The following HS3ST5 variants were observed in gnomAD, a reference collection of about 807,000 sequenced individuals.
HS3ST5 encodes the protein heparan sulfate glucosamine 3-O-sulfotransferase 5.
Under a neutral mutation model 25.4 loss-of-function variants are expected in HS3ST5, and 10 were observed. That is an observed-to-expected ratio of 0.39 (90% CI 0.24 to 0.67). HS3ST5 has a LOEUF of 0.67. Ranked by LOEUF, HS3ST5 falls within the 30% of genes least tolerant of loss-of-function variation. The pLI is 0.44. For missense variants in HS3ST5, 324 were observed against 420.7 expected (o/e 0.77, Z 2.01); for synonymous variants, 170 against 162.4 (o/e 1.05, Z -0.36).
chr6:114,129,161 T>C (rs1413253571), intron 3 of HS3ST5, among the ~76,000 whole-genome samples: 1 of 152,066 alleles, frequency 6.6e-6, no homozygotes, highest in Non-Finnish European at 1.5e-5. Context: ...TTAACATCAT[T>C]GGTATATTGG....
intron 3 of HS3ST5, among the ~76,000 whole-genome samples, chr6:114,075,306 G>A (rs960137870): frequency 2.0e-5 from 3 of 152,188 alleles, no homozygotes; most frequent in South Asian, 2.1e-4. Context: ...GGCAGGATCC[G>A]CTGCACTTCA....
At chr6:114,070,517 G>C (rs1773753060) in intron 3 of HS3ST5, among the ~76,000 whole-genome samples, 1 of 152,000 alleles carries the variant, frequency 6.6e-6, no homozygotes, top group South Asian at 2.1e-4. Flanking sequence ...CATAACTCAA[G>C]AACTATCTCT....
chr6:114,144,580 A>G (rs1778063747), intron 3 of HS3ST5, among the ~76,000 whole-genome samples: 1 of 152,188 alleles, frequency 6.6e-6, no homozygotes, highest in Admixed American at 6.5e-5. Flanking sequence ...TCTCAAATAA[A>G]TGCATCTACA....
chr6:114,062,300 C>T (rs567735422), intron 4 of HS3ST5, among the ~76,000 whole-genome samples: 2 of 152,256 alleles, frequency 1.3e-5, no homozygotes, highest in African/African-American at 2.4e-5. Flanking sequence ...ATTGCAAACT[C>T]GATGAGCTCC....
At chr6:114,180,983 G>A (rs181754824) in intron 2 of HS3ST5, among the ~76,000 whole-genome samples, 1 of 152,160 alleles carries the variant, frequency 6.6e-6, no homozygotes, top group Non-Finnish European at 1.5e-5. Flanking sequence ...ACCTTAGCAG[G>A]GTTCTTGCAA....
chr6:114,333,709 G>A (rs894091832), intron 1 of HS3ST5, among the ~76,000 whole-genome samples: 18 of 151,782 alleles, frequency 1.2e-4, no homozygotes, highest in African/African-American at 3.9e-4. Flanking sequence ...GCAGTGACAC[G>A]ATCTCGGATC....
chr6:114,278,595 G>C (rs1446749859), intron 1 of HS3ST5, among the ~76,000 whole-genome samples: 1 of 151,772 alleles, frequency 6.6e-6, no homozygotes, highest in East Asian at 1.9e-4. Flanking sequence ...AAATCTCCAG[G>C]GTTTTAATTT....
intron 3 of HS3ST5, chr6:114,167,502 T>C (rs1779274130): frequency 6.6e-6 from 1 of 152,166 alleles, no homozygotes; most frequent in Non-Finnish European, 1.5e-5. Context: ...TTTAAAGATA[T>C]TAAGGCATAA....
intron 1 of HS3ST5, among the ~76,000 whole-genome samples, chr6:114,328,323 G>A (rs1776255482): frequency 6.6e-6 from 1 of 151,984 alleles, no homozygotes; most frequent in Non-Finnish European, 1.5e-5. Flanking sequence ...CTTATTTACA[G>A]GGATTAATTA....
At chr6:114,305,137 T>C (rs1259506595) in intron 1 of HS3ST5, among the ~76,000 whole-genome samples, 1 of 152,120 alleles carries the variant, frequency 6.6e-6, no homozygotes, top group Non-Finnish European at 1.5e-5. Flanking sequence ...GTACTGGTCA[T>C]TTTGAAAATA....
intron 3 of HS3ST5, among the ~76,000 whole-genome samples, chr6:114,129,794 T>C (rs544561976): frequency 6.6e-5 from 10 of 152,228 alleles, no homozygotes; most frequent in Non-Finnish European, 8.8e-5. Flanking sequence ...AAAAGTAGTA[T>C]GATAATGTTG....
chr6:114,121,475 C>CA (rs1266650141), intron 3 of HS3ST5, among the ~76,000 whole-genome samples: 2 of 151,318 alleles, frequency 1.3e-5, no homozygotes, highest in Non-Finnish European at 3.0e-5. Flanking sequence ...TCTTAATAAG[C>CA]AAAAAAAGGA....
chr6:114,161,875 A>C (rs1778990505), intron 3 of HS3ST5, among the ~76,000 whole-genome samples: 1 of 151,798 alleles, frequency 6.6e-6, no homozygotes, highest in South Asian at 2.1e-4. Flanking sequence ...AAGACACAAA[A>C]ACCCCCAAGT....
intron 3 of HS3ST5, among the ~76,000 whole-genome samples, chr6:114,077,219 A>G (rs1416348058): frequency 6.6e-6 from 1 of 152,166 alleles, no homozygotes; most frequent in East Asian, 1.9e-4. Flanking sequence ...CAAACTTAAA[A>G]GGAGCCAGTT....
intron 3 of HS3ST5, among the ~76,000 whole-genome samples, chr6:114,073,500 A>G (rs1773948319): frequency 6.6e-6 from 1 of 152,254 alleles, no homozygotes; most frequent in African/African-American, 2.4e-5. Flanking sequence ...ACACTTCTCA[A>G]AAGAAGACAT....
At chr6:114,191,711 T>C (rs1199602208) in intron 2 of HS3ST5, among the ~76,000 whole-genome samples, 1 of 152,180 alleles carries the variant, frequency 6.6e-6, no homozygotes, top group Non-Finnish European at 1.5e-5. Flanking sequence ...CTGGGCTGTG[T>C]GTGGAGGGAA....
At chr6:114,155,396 C>G (rs1034026711) in intron 3 of HS3ST5, among the ~76,000 whole-genome samples, 1 of 151,894 alleles carries the variant, frequency 6.6e-6, no homozygotes, top group Non-Finnish European at 1.5e-5. Flanking sequence ...TTCTGTTAAT[C>G]AAGCCAATGG....
intron 3 of HS3ST5, among the ~76,000 whole-genome samples, chr6:114,155,708 A>G (rs1778668847): frequency 6.6e-6 from 1 of 152,230 alleles, no homozygotes; most frequent in Non-Finnish European, 1.5e-5. Context: ...ATATTTTTTA[A>G]TGGAAAATTA....
intron 1 of HS3ST5, among the ~76,000 whole-genome samples, chr6:114,336,644 C>T (rs1776624856): frequency 6.6e-6 from 1 of 152,008 alleles, no homozygotes; most frequent in African/African-American, 2.4e-5. Flanking sequence ...AATTAAATTA[C>T]TAAGAACTAT....
Sources: allele counts gnomAD v4.1 joint callset (sites outside exome capture counted in the v4.1 genomes callset), GRCh38; gene constraint gnomAD v4.1.1; transcripts MANE v1.5; gene names NCBI Gene and HGNC (gene_info 2026-07-23, HGNC 2026-07-21).